The following EP300 variants were observed in gnomAD, a reference collection of about 807,000 sequenced individuals.
EP300 encodes the protein histone acetyltransferase p300.
In EP300, 31 loss-of-function variants were observed where a neutral mutation model predicts 264.0. That is an observed-to-expected ratio of 0.12 (90% CI 0.09 to 0.16). The LOEUF (loss-of-function observed/expected upper bound fraction) is 0.16, where lower values mean the gene tolerates loss of function less well. Among genes scored for constraint, EP300 ranks in the 10% least tolerant of loss-of-function variants. EP300 has a pLI of 1.00. For synonymous variants in EP300, 1,340 were observed against 1,045.4 expected (o/e 1.28, Z -5.44); for missense variants, 2,766 against 3,052.9 (o/e 0.91, Z 2.21).
In EP300 at chr22:41,179,117, C is replaced by T. The variant is rs2059223937; in HGVS notation, c.*161C>T. ...CCGTTTGTGGTTTAAAGCAAACATGCAAGATGAACCTGAGGGATGATAGAA... is the reference window on the plus strand; with the variant it reads ...CCGTTTGTGGTTTAAAGCAAACATGTAAGATGAACCTGAGGGATGATAGAA... On this transcript the variant is annotated 3_prime_UTR_variant, in exon 31 of 31. Transcript: ENST00000263253. 1.4e-6 allele frequency: 1 copy of T among 731,332 alleles called. No homozygotes were observed. Among genetic ancestry groups the T allele is most frequent in the Admixed American group, 2.8e-5 (1 of 35,890 alleles). 45.3% of individuals were successfully genotyped at this position (731,332 alleles called of 1,614,324 possible). A position where few individuals can be genotyped will look rare whatever the true frequency, so the allele number is the denominator to read the frequency against.
chr22:41,179,105 A>AAT lies in EP300; in HGVS notation c.*150_*151insTA. On this transcript the variant is annotated 3_prime_UTR_variant, in exon 31 of 31. Transcript: ENST00000263253. ...ACTGTGCAGTAGCCGTTTGTGGTTT[A>AAT]AAGCAAACATGCAAGATGAACCTGA... 1.2e-6 allele frequency: 1 copy of AAT among 848,832 alleles called. No individual in the cohort carries two copies. The highest frequency in any genetic ancestry group is 1.8e-6 in the Non-Finnish European group (1 of 553,456). The allele number at this position is 848,832 out of a possible 1,614,324, so 52.6% of individuals were successfully genotyped here. A position where few individuals can be genotyped will look rare whatever the true frequency, so the allele number is the denominator to read the frequency against.
chr22:41,105,260 C>T (rs866508543), intron 1 of EP300, among the ~76,000 whole-genome samples: 1 of 143,746 alleles, frequency 7.0e-6, no homozygotes, highest in Admixed American at 7.0e-5. Flanking sequence ...CCCAGCTACT[C>T]GGGAGGCTGA....
rs147244947 is a variant in EP300 at position 41,117,770 on chromosome 22, C to T, written c.678C>T (p.Gly226=). 2 of 1,614,222 alleles carry T rather than the reference C, an allele frequency of 1.2e-6. No homozygotes were observed. The highest frequency in any genetic ancestry group is 1.7e-4 in the Middle Eastern group (1 of 6,056). ...GNLLTEPLQQ[G]SPQMGGQTGL... ...TACTGACTGAGCCTCTTCAGCAGGGCTCTCCCCAGATGGGAGGACAAACAG... is the reference window on the plus strand; with the variant it reads ...TACTGACTGAGCCTCTTCAGCAGGGTTCTCCCCAGATGGGAGGACAAACAG... The change falls in exon 2 of 31, where the codon GGC becomes GGT. Residue 226 remains glycine (G), a synonymous_variant. Coordinates refer to ENST00000263253, the MANE Select transcript of EP300 (RefSeq NM_001429.4).
chr22:41,162,121 G>T (rs1457052088), intron 20 of EP300, among the ~76,000 whole-genome samples: 1 of 152,180 alleles, frequency 6.6e-6, no homozygotes, highest in Non-Finnish European at 1.5e-5. Flanking sequence ...CTAACTCCCA[G>T]ATTGTTCTGG....
intron 1 of EP300, among the ~76,000 whole-genome samples, chr22:41,105,489 C>A (rs2058753871): frequency 6.6e-6 from 1 of 151,904 alleles, no homozygotes; most frequent in African/African-American, 2.4e-5. Flanking sequence ...GCCTCCGCCT[C>A]CCGGGTTCAA....
rs2145524810 is a variant in EP300, at chr22:41,178,925, A to G, written c.7214A>G (p.Asn2405Ser). ...LSTDNSDLNSNLSQSTLDIH is the reference protein window; with the variant it reads ...LSTDNSDLNSSLSQSTLDIH The stretch of plus-strand genomic sequence containing the variant: ...ACCGATAACTCAGACTTGAATTCAA[A>G]CCTCTCACAGAGTACACTAGACATA... Residue 2405 changes from asparagine to serine, a missense_variant, in exon 31 of 31, where the codon AAC (asparagine) becomes AGC (serine). Transcript: ENST00000263253. The G allele has an allele frequency of 8.7e-6, 14 of 1,614,110 alleles. No homozygotes were observed. Among genetic ancestry groups the G allele is most frequent in the Non-Finnish European group, 1.2e-5 (14 of 1,180,018 alleles).
chr22:41,135,565 C>CT (rs201001777), intron 6 of EP300, among the ~76,000 whole-genome samples: 36 of 142,884 alleles, frequency 2.5e-4, no homozygotes, highest in East Asian at 1.4e-3. Flanking sequence ...GTCACATTTG[C>CT]TTTTTTTTTT....
At chr22:41,158,559 C>A (rs774760758) in intron 19 of EP300, 59 bp downstream of exon 19, 1 of 1,345,922 alleles carries the variant, frequency 7.4e-7, no homozygotes, top group Non-Finnish European at 1.1e-6. Context: ...GGAGTGCATG[C>A]GGATGGGCCA....
In EP300 at chr22:41,178,554, G is replaced by A. The variant is rs2059217586; in HGVS notation, c.6843G>A (p.Gln2281=). The change falls in exon 31 of 31, where the codon CAG becomes CAA. Residue 2281 remains glutamine, a synonymous_variant. Transcript: ENST00000263253. ...TTCAGCCCAACCCCATGAGCCCCCA[G>A]CAGCATATGCTCCCAAATCAGGCCC... ...SPVQPNPMSP[Q]QHMLPNQAQS... is the part of the protein sequence containing the mutation. 1 of 1,613,930 alleles carries A rather than the reference G, an allele frequency of 6.2e-7. No individual in the cohort carries two copies. The highest frequency in any genetic ancestry group is 1.7e-5 in the Admixed American group (1 of 59,984).
At chr22:41,098,907 C>T (rs1002630421) in intron 1 of EP300, among the ~76,000 whole-genome samples, 2 of 152,102 alleles carry the variant, frequency 1.3e-5, no homozygotes, top group Non-Finnish European at 2.9e-5. Flanking sequence ...CTTACTTACC[C>T]ACCTTACAGG....
intron 12 of EP300, chr22:41,148,801 T>C (rs1253905211): frequency 1.8e-6 from 1 of 566,368 alleles, no homozygotes; most frequent in African/African-American, 1.9e-5. Context: ...TCCATCCTCT[T>C]ACTATTTCTT....
rs150389014 is a variant in EP300 at position 41,150,146 on chromosome 22, C to T, written c.2765C>T (p.Ala922Val). ...CCTCGCTCACAGCAGAGCACAGCAG[C>T]GTCTGTTCCTACCCCAACAGCACCG... is the stretch of plus-strand genomic sequence containing the variant. ...QQPRSQQSTA[A>V]SVPTPTAPLL... Residue 922 changes from alanine (A) to valine (V), a missense_variant, in exon 14 of 31, where the codon GCG becomes GTG. Ala to Val is a moderately conservative substitution (Grantham distance 64, BLOSUM62 0). Coordinates refer to ENST00000263253, the MANE Select transcript of EP300 (RefSeq NM_001429.4). The T allele has an allele frequency of 5.3e-5, 85 of 1,612,152 alleles. No individual in the cohort carries two copies. The highest frequency in any genetic ancestry group is 2.9e-4 in the African/African-American group (22 of 75,056).
intron 8 of EP300, among the ~76,000 whole-genome samples, chr22:41,138,540 A>C (rs1862280208): frequency 6.6e-6 from 1 of 152,132 alleles, no homozygotes; most frequent in Non-Finnish European, 1.5e-5. Flanking sequence ...TGCACATGGC[A>C]GTTTATTTTT....
At position 41,149,020 on chromosome 22, in the gene EP300, G is replaced by GTTTTTTTTT; in HGVS notation, c.2242-12_2242-4dup. 2 of 1,458,654 alleles carry GTTTTTTTTT rather than the reference G, an allele frequency of 1.4e-6. No homozygotes were observed. Among genetic ancestry groups the GTTTTTTTTT allele is most frequent in the African/African-American group, 3.0e-5 (2 of 66,000 alleles). The allele number at this position is 1,458,654 out of a possible 1,614,324, so 90.4% of individuals were successfully genotyped here. On this transcript the variant is annotated splice_polypyrimidine_tract_variant and intron_variant, in intron 12 of 30. Transcript: ENST00000263253. ...ATAATGAAGCAGTTTGGTGATTTGT[G>GTTTTTTTTT]TTTTTTTTTTTTTTCAGCCTATGGG...
chr22:41,152,740 A>ATTTC (rs753720783), intron 16 of EP300, among the ~76,000 whole-genome samples: 1 of 136,016 alleles, frequency 7.4e-6, no homozygotes, highest in Non-Finnish European at 1.6e-5. Context: ...TCATTTAATA[A>ATTTC]TTTCTTTCTT....
At chr22:41,172,359 C>T (rs1329034911) in intron 27 of EP300, 140 bp from the exon 28 acceptor site, 3 of 727,326 alleles carry the variant, frequency 4.1e-6, no homozygotes, top group Non-Finnish European at 6.8e-6. Flanking sequence ...TACTCCCTGG[C>T]TTACGGCTTA....
rs374679651 is a variant in EP300 at position 41,178,125 on chromosome 22, G to T, written c.6414G>T (p.Ala2138=). 6.2e-7 allele frequency: 1 copy of T among 1,614,138 alleles called. No homozygotes were observed. Among genetic ancestry groups the T allele is most frequent in the Non-Finnish European group, 8.5e-7 (1 of 1,180,012 alleles). Residue 2138 remains alanine (A), a synonymous_variant, in exon 31 of 31, where the codon GCG becomes GCT. Coordinates refer to ENST00000263253, the MANE Select transcript of EP300 (RefSeq NM_001429.4). ...PAMQNMNPMQ[A]GVQRAGLPQQ... ...TGCAGAACATGAATCCAATGCAGGC[G>T]GGCGTTCAGAGGGCTGGCCTGCCCC...
rs1316927373 is a variant in EP300 at position 41,178,241 on chromosome 22, C to T, written c.6530C>T (p.Ser2177Leu). 2.5e-6 allele frequency: 4 copies of T among 1,614,060 alleles called. No individual in the cohort carries two copies. The highest frequency in any genetic ancestry group is 3.4e-6 in the Non-Finnish European group (4 of 1,180,002). ...QMNMNHNTMP[S>L]QFRDILRRQQ... Reference sequence around the variant, plus strand: ...AACATGAACCACAACACCATGCCTTCACAATTCCGAGACATCTTGAGACGA... The same window carrying T: ...AACATGAACCACAACACCATGCCTTTACAATTCCGAGACATCTTGAGACGA... The change falls in exon 31 of 31, where the codon TCA becomes TTA. Residue 2177 changes from serine (S) to leucine (L), a missense_variant. Ser to Leu is a moderately radical substitution (Grantham distance 145). Coordinates refer to ENST00000263253, the MANE Select transcript of EP300 (RefSeq NM_001429.4).
chr22:41,179,483 C>T lies in EP300; in HGVS notation c.*527C>T, dbSNP rs2059226966. Reference sequence around the variant, plus strand: ...ATATATATAAATATATATTAAAATACCAGTTTTTTTTCTCTGGGTGCAAAG... The same window carrying T: ...ATATATATAAATATATATTAAAATATCAGTTTTTTTTCTCTGGGTGCAAAG... On this transcript the variant is annotated 3_prime_UTR_variant, in exon 31 of 31. Transcript: ENST00000263253. 5.9e-6 allele frequency: 1 copy of T among 168,362 alleles called. No individual in the cohort carries two copies. The highest frequency in any genetic ancestry group is 1.2e-5 in the Non-Finnish European group (1 of 80,330). 10.4% of individuals were successfully genotyped at this position (168,362 alleles called of 1,614,324 possible).
Sources: gnomAD v4.1 joint callset for allele counts (sites outside exome capture counted in the v4.1 genomes callset) on GRCh38, gnomAD v4.1.1 for gene constraint, MANE v1.5 for transcripts, NCBI Gene and HGNC (gene_info 2026-07-23, HGNC 2026-07-21) for gene names.